RHOJ: variants seen among roughly 807,000 people sequenced by gnomAD.
RHOJ encodes rho-related GTP-binding protein RhoJ.
In RHOJ, 11 loss-of-function variants were observed where a neutral mutation model predicts 23.4. The observed-to-expected ratio is 0.47, with a 90% CI of 0.30 to 0.78. RHOJ has a LOEUF of 0.78. Ranked by LOEUF, RHOJ falls within the 30% of genes least tolerant of loss-of-function variation. The pLI is 0.08. For missense variants in RHOJ, 254 were observed against 273.4 expected (o/e 0.93, Z 0.50); for synonymous variants, 102 against 102.7 (o/e 0.99, Z 0.04).
intron 1 of RHOJ, among the ~76,000 whole-genome samples, chr14:63,244,911 G>C (rs1054018094): frequency 6.6e-6 from 1 of 152,172 alleles, no homozygotes; most frequent in Non-Finnish European, 1.5e-5. Context: ...CTCACACATG[G>C]GTATTTGTGT....
intron 1 of RHOJ, among the ~76,000 whole-genome samples, chr14:63,225,513 T>A (rs1300074225): frequency 6.6e-6 from 1 of 152,244 alleles, no homozygotes; most frequent in Non-Finnish European, 1.5e-5. Flanking sequence ...TTTACTTCTG[T>A]AAAATAATAT....
chr14:63,225,533 A>T (rs1165938710), intron 1 of RHOJ, among the ~76,000 whole-genome samples: 1 of 152,182 alleles, frequency 6.6e-6, no homozygotes, highest in Non-Finnish European at 1.5e-5. Flanking sequence ...TCTCATTGAG[A>T]CTTCTGATAT....
At chr14:63,281,848 C>T (rs1012674516) in intron 3 of RHOJ, among the ~76,000 whole-genome samples, 1 of 152,184 alleles carries the variant, frequency 6.6e-6, no homozygotes, top group African/African-American at 2.4e-5. Flanking sequence ...ATCCAAATGA[C>T]TATCCCAAAG....
chr14:63,207,814 G>T (rs569380576), intron 1 of RHOJ, among the ~76,000 whole-genome samples: 5 of 152,194 alleles, frequency 3.3e-5, no homozygotes, highest in Non-Finnish European at 5.9e-5. Context: ...GACAATTAAG[G>T]TATTAGAATT....
At chr14:63,266,871 T>C (rs1895377236) in intron 1 of RHOJ, among the ~76,000 whole-genome samples, 1 of 152,178 alleles carries the variant, frequency 6.6e-6, no homozygotes, top group African/African-American at 2.4e-5. Context: ...TGACTTCCTC[T>C]TTTCATATTT....
At chr14:63,253,530 C>A (rs1286245347) in intron 1 of RHOJ, among the ~76,000 whole-genome samples, 1 of 152,046 alleles carries the variant, frequency 6.6e-6, no homozygotes, top group African/African-American at 2.4e-5. Flanking sequence ...TGTACCTGGC[C>A]CCTAGATAAA....
At chr14:63,290,772 G>A (rs1335690202) in intron 4 of RHOJ, 106 bp from the exon 5 acceptor site, 11 of 1,122,972 alleles carry the variant, frequency 9.8e-6, no homozygotes, top group Admixed American at 2.7e-5. Context: ...CCCACAGGCT[G>A]TTTGTAGGAC....
At chr14:63,218,865 A>G (rs1894422437) in intron 1 of RHOJ, among the ~76,000 whole-genome samples, 1 of 152,236 alleles carries the variant, frequency 6.6e-6, no homozygotes, top group Non-Finnish European at 1.5e-5. Flanking sequence ...AGCAGAAGAA[A>G]TGGCTTTGTG....
At chr14:63,248,994 A>T (rs1895023170) in intron 1 of RHOJ, among the ~76,000 whole-genome samples, 1 of 152,126 alleles carries the variant, frequency 6.6e-6, no homozygotes, top group Admixed American at 6.5e-5. Context: ...AATTGGTCTG[A>T]CTCAGGTCAT....
chr14:63,284,305 C>T (rs1882008965), intron 4 of RHOJ: 1 of 985,104 alleles, frequency 1.0e-6, no homozygotes, highest in Non-Finnish European at 1.2e-6. Context: ...AACACCTGAT[C>T]GAGATACTGA....
chr14:63,284,631 C>T (rs897223740), intron 4 of RHOJ, among the ~76,000 whole-genome samples: 2 of 152,200 alleles, frequency 1.3e-5, no homozygotes, highest in Non-Finnish European at 1.5e-5. Flanking sequence ...GTGCTTCTAC[C>T]TTCTCCTCAA....
intron 1 of RHOJ, among the ~76,000 whole-genome samples, chr14:63,222,364 G>A (rs1164290028): frequency 2.0e-5 from 3 of 152,236 alleles, no homozygotes; most frequent in African/African-American, 7.2e-5. Context: ...TGGGTCAAAT[G>A]GTATTTCTAG....
intron 1 of RHOJ, among the ~76,000 whole-genome samples, chr14:63,263,292 A>C (rs1447515480): frequency 6.6e-6 from 1 of 152,200 alleles, no homozygotes; most frequent in African/African-American, 2.4e-5. Flanking sequence ...TTATGACAAT[A>C]GCTTCCTTCT....
chr14:63,204,889 C>T lies in RHOJ; in HGVS notation c.20C>T (p.Thr7Ile). Residue 7 changes from threonine to isoleucine, a missense_variant, in exon 1 of 5, where the codon ACT (threonine) becomes ATT (isoleucine). Thr to Ile is a moderately conservative substitution (Grantham distance 89). Transcript: ENST00000316754. ...GCAAGAATGAACTGCAAAGAGGGAA[C>T]TGACAGCAGCTGCGGCTGCAGGGGC... MNCKEG[T>I]DSSCGCRGND... 1 of 1,613,800 alleles carries T rather than the reference C, an allele frequency of 6.2e-7. No individual in the cohort carries two copies. Among genetic ancestry groups the T allele is most frequent in the Non-Finnish European group, 8.5e-7 (1 of 1,179,848 alleles).
chr14:63,289,870 A>T (rs1882192347), intron 4 of RHOJ, among the ~76,000 whole-genome samples: 1 of 151,960 alleles, frequency 6.6e-6, no homozygotes, highest in African/African-American at 2.4e-5. Flanking sequence ...GTCTTTTATG[A>T]TTATCGTTAC....
At chr14:63,290,626 T>C (rs10135974) in intron 4 of RHOJ, among the ~76,000 whole-genome samples, 9,367 of 149,390 alleles carry the variant, frequency 0.063, 337 homozygotes, top group African/African-American at 0.077. Flanking sequence ...TTTACTGCTT[T>C]CCAGAAGTAA....
intron 1 of RHOJ, among the ~76,000 whole-genome samples, chr14:63,256,985 T>A (rs1895178093): frequency 6.6e-6 from 1 of 151,478 alleles, no homozygotes; most frequent in African/African-American, 2.4e-5. Flanking sequence ...GGCAGGAGAA[T>A]CACTTGAACC....
chr14:63,263,512 T>A (rs1289097830), intron 1 of RHOJ, among the ~76,000 whole-genome samples: 2 of 152,150 alleles, frequency 1.3e-5, no homozygotes, highest in East Asian at 3.9e-4. Context: ...TTCCTTCTGA[T>A]AGAACGAGAG....
chr14:63,218,166 G>T (rs1894407073), intron 1 of RHOJ, among the ~76,000 whole-genome samples: 1 of 152,066 alleles, frequency 6.6e-6, no homozygotes, highest in South Asian at 2.1e-4. Flanking sequence ...GATTTCTTTA[G>T]ATCTAAGAAT....
Sources: allele counts gnomAD v4.1 joint callset (sites outside exome capture counted in the v4.1 genomes callset), GRCh38; gene constraint gnomAD v4.1.1; transcripts MANE v1.5; gene names NCBI Gene and HGNC (gene_info 2026-07-23, HGNC 2026-07-21).